The following MEI4 variants were observed in gnomAD, a reference collection of about 807,000 sequenced individuals.
The protein encoded by MEI4 is meiosis-specific protein MEI4.
A neutral mutation model predicts 31.4 loss-of-function variants in MEI4; 27 were observed. That is an observed-to-expected ratio of 0.86 (90% CI 0.63 to 1.19). MEI4 has a LOEUF of 1.19. Ranked by LOEUF, MEI4 falls within the 50% of genes most tolerant of loss-of-function variation. The pLI is 0.00. For missense variants in MEI4, 329 were observed against 398.9 expected (o/e 0.82, Z 1.49); for synonymous variants, 122 against 145.4 (o/e 0.84, Z 1.16).
intron 1 of MEI4, among the ~76,000 whole-genome samples, chr6:77,684,944 T>C (rs1373756877): frequency 6.6e-6 from 1 of 152,122 alleles, no homozygotes; most frequent in Non-Finnish European, 1.5e-5. Flanking sequence ...TCCATAGTGG[T>C]TGTACTAATT....
chr6:77,886,834 G>T (rs1189555721), intron 4 of MEI4, among the ~76,000 whole-genome samples: 1 of 151,970 alleles, frequency 6.6e-6, no homozygotes, highest in African/African-American at 2.4e-5. Context: ...ATTTATTTGG[G>T]TCTTCTCTCT....
chr6:77,755,458 A>T (rs1258292688), intron 2 of MEI4, among the ~76,000 whole-genome samples: 1 of 151,886 alleles, frequency 6.6e-6, no homozygotes, highest in African/African-American at 2.4e-5. Context: ...TCACTGTGTC[A>T]CCCAGGCTGG....
chr6:77,692,327 G>A (rs1212083753), intron 2 of MEI4, among the ~76,000 whole-genome samples: 1 of 148,282 alleles, frequency 6.7e-6, no homozygotes. Flanking sequence ...TTACTTGGTT[G>A]CAGGTTTATC....
At chr6:77,872,091 T>C (rs1771208474) in intron 4 of MEI4, among the ~76,000 whole-genome samples, 1 of 152,188 alleles carries the variant, frequency 6.6e-6, no homozygotes, top group South Asian at 2.1e-4. Context: ...AAAAACATGG[T>C]ACCAATATTT....
chr6:77,693,759 G>A (rs1368693744), intron 2 of MEI4, among the ~76,000 whole-genome samples: 1 of 152,070 alleles, frequency 6.6e-6, no homozygotes, highest in Non-Finnish European at 1.5e-5. Context: ...TGGCAGTTAT[G>A]TAAGGATGAC....
chr6:77,829,181 C>T (rs1479420328), intron 4 of MEI4, 119 bp downstream of exon 4: 1 of 721,314 alleles, frequency 1.4e-6, no homozygotes. Flanking sequence ...TACCTTATGT[C>T]TAATATATGT....
At chr6:77,789,425 T>G (rs144114247) in intron 3 of MEI4, among the ~76,000 whole-genome samples, 1 of 152,080 alleles carries the variant, frequency 6.6e-6, no homozygotes, top group Admixed American at 6.6e-5. Context: ...TAAGCTAAAG[T>G]GTTCCTGCAC....
chr6:77,812,336 A>C (rs941727350), intron 3 of MEI4, among the ~76,000 whole-genome samples: 1 of 152,156 alleles, frequency 6.6e-6, no homozygotes, highest in Non-Finnish European at 1.5e-5. Context: ...AGCAAGAAAA[A>C]AAGTTTAAAT....
chr6:77,731,972 G>T (rs1767009780), intron 2 of MEI4, among the ~76,000 whole-genome samples: 1 of 147,748 alleles, frequency 6.8e-6, no homozygotes, highest in Non-Finnish European at 1.5e-5. Context: ...GCTCTGTTCT[G>T]TTCCATTGAT....
intron 4 of MEI4, among the ~76,000 whole-genome samples, chr6:77,863,195 A>G (rs1582227736): frequency 6.6e-6 from 1 of 152,170 alleles, no homozygotes; most frequent in African/African-American, 2.4e-5. Flanking sequence ...CTCCAAAGCA[A>G]CGCAGCTCCT....
intron 2 of MEI4, among the ~76,000 whole-genome samples, chr6:77,704,073 A>C (rs1766280829): frequency 6.6e-6 from 1 of 152,212 alleles, no homozygotes; most frequent in Non-Finnish European, 1.5e-5. Flanking sequence ...TTAATGTAGA[A>C]GAAATACAGA....
chr6:77,650,378 T>C (rs1768278440), upstream of MEI4, among the ~76,000 whole-genome samples: 1 of 152,318 alleles, frequency 6.6e-6, no homozygotes, highest in South Asian at 2.1e-4. Context: ...CTTCTGGGGC[T>C]TGTGGTCTCC....
intron 4 of MEI4, among the ~76,000 whole-genome samples, chr6:77,897,528 A>G (rs981326190): frequency 3.3e-5 from 5 of 151,956 alleles, no homozygotes; most frequent in African/African-American, 9.7e-5. Flanking sequence ...ATATATATAT[A>G]TCTTTCACAA....
intron 3 of MEI4, among the ~76,000 whole-genome samples, chr6:77,816,902 A>C (rs781561616): frequency 1.4e-4 from 22 of 152,136 alleles, no homozygotes; most frequent in African/African-American, 4.8e-4. Context: ...AGTAACTTGC[A>C]GGGCTTTGCG....
intron 4 of MEI4, among the ~76,000 whole-genome samples, chr6:77,851,582 A>G (rs1420699311): frequency 4.4e-5 from 6 of 137,574 alleles, no homozygotes; most frequent in African/African-American, 1.4e-4. Context: ...GAATTGAACA[A>G]TGAGAACACA....
chr6:77,909,151 G>A (rs1286969309), intron 4 of MEI4, among the ~76,000 whole-genome samples: 1 of 151,998 alleles, frequency 6.6e-6, no homozygotes, highest in African/African-American at 2.4e-5. Context: ...ATAATAAAAT[G>A]TCTCTCAGAC....
At chr6:77,837,308 AAAGGTT>A (rs1191483593) in intron 4 of MEI4, among the ~76,000 whole-genome samples, 1 of 152,188 alleles carries the variant, frequency 6.6e-6, no homozygotes, top group African/African-American at 2.4e-5. Flanking sequence ...AATCAAACCT[AAAGGTT>A]CTAGAATGAA....
At chr6:77,699,638 G>T (rs1235229137) in intron 2 of MEI4, among the ~76,000 whole-genome samples, 1 of 152,174 alleles carries the variant, frequency 6.6e-6, no homozygotes, top group Non-Finnish European at 1.5e-5. Flanking sequence ...GTGTTCCTTT[G>T]GAGGAGGAGA....
At chr6:77,836,378 A>G (rs1285913411) in intron 4 of MEI4, among the ~76,000 whole-genome samples, 1 of 152,142 alleles carries the variant, frequency 6.6e-6, no homozygotes, top group Non-Finnish European at 1.5e-5. Flanking sequence ...TACTTCAGAG[A>G]CCTAATGTTT....
Sources: allele counts gnomAD v4.1 joint callset (sites outside exome capture counted in the v4.1 genomes callset), GRCh38; gene constraint gnomAD v4.1.1; transcripts MANE v1.5; gene names NCBI Gene and HGNC (gene_info 2026-07-23, HGNC 2026-07-21).